MAP2K5: variants seen among roughly 807,000 people sequenced by gnomAD.
MAP2K5 encodes dual specificity mitogen-activated protein kinase kinase 5.
In MAP2K5, 49 loss-of-function variants were observed where a neutral mutation model predicts 83.1. The ratio of observed to expected loss-of-function variants is 0.59; its 90% CI spans 0.47 to 0.75. MAP2K5 has a LOEUF of 0.75. Among genes scored for constraint, MAP2K5 ranks in the 30% least tolerant of loss-of-function variants. The pLI is 0.00. For synonymous variants in MAP2K5, 202 were observed against 191.8 expected (o/e 1.05, Z -0.44); for missense variants, 457 against 557.5 (o/e 0.82, Z 1.82).
intron 8 of MAP2K5, among the ~76,000 whole-genome samples, chr15:67,607,704 AT>A (rs1476208333): frequency 6.6e-6 from 1 of 152,230 alleles, no homozygotes; most frequent in East Asian, 1.9e-4. Context: ...AAGACACTAA[AT>A]TTCATTTTTA....
chr15:67,553,372 T>G (rs1387733804), intron 2 of MAP2K5, among the ~76,000 whole-genome samples: 1 of 152,238 alleles, frequency 6.6e-6, no homozygotes, highest in Non-Finnish European at 1.5e-5. Flanking sequence ...ATCATGCTCT[T>G]TCTTTTGCCC....
chr15:67,674,024 T>G (rs1474425091), intron 13 of MAP2K5, among the ~76,000 whole-genome samples: 3 of 152,122 alleles, frequency 2.0e-5, no homozygotes, highest in African/African-American at 7.2e-5. Context: ...AATTTTTGTA[T>G]TTTTAGTAGA....
At chr15:67,608,677 G>T (rs2085836327) in intron 8 of MAP2K5, among the ~76,000 whole-genome samples, 1 of 152,030 alleles carries the variant, frequency 6.6e-6, no homozygotes, top group Non-Finnish European at 1.5e-5. Flanking sequence ...GAAGATTAAA[G>T]GGCTCCATGA....
intron 1 of MAP2K5, chr15:67,549,206 G>T: frequency 6.5e-7 from 1 of 1,535,040 alleles, no homozygotes; most frequent in Non-Finnish European, 8.7e-7. Flanking sequence ...TTTCCCCAGA[G>T]CGTAGGTGTT....
Position 67,794,620 on chromosome 15 carries a change from C to T in MAP2K5, c.1243-12026C>T, listed in dbSNP as rs376499889. 7.4e-6 allele frequency among the ~76,000 whole-genome samples: 1 copy of T among 134,610 alleles called. No homozygotes were observed. The highest frequency in any genetic ancestry group is 2.4e-4 in the East Asian group (1 of 4,194). The allele number at this position is 134,610 out of a possible 152,430, so 88.3% of individuals were successfully genotyped here. On this transcript the variant is annotated intron_variant, in intron 21 of 21. Coordinates refer to ENST00000178640, the MANE Select transcript of MAP2K5 (RefSeq NM_145160.3). The surrounding 1 kb of genome is among the most constrained non-coding windows in gnomAD (Gnocchi z 4.6). ...GCCCATTCCACTGAGGGTCGGGTAA[C>T]TCTGGAACATCACAGCTGAAAAAAA...
chr15:67,604,471 A>G (rs139627122), intron 8 of MAP2K5, among the ~76,000 whole-genome samples: 1 of 152,330 alleles, frequency 6.6e-6, no homozygotes, highest in African/African-American at 2.4e-5. Context: ...AGAGAATAGT[A>G]TGTGTTGTGG....
intron 16 of MAP2K5, among the ~76,000 whole-genome samples, chr15:67,721,135 C>T (rs1221801575): frequency 1.3e-5 from 2 of 151,630 alleles, no homozygotes; most frequent in African/African-American, 2.4e-5. Context: ...AACATTTGTT[C>T]GTTTTTTGTT....
chr15:67,594,751 T>C (rs973355621), intron 7 of MAP2K5, among the ~76,000 whole-genome samples: 1 of 152,122 alleles, frequency 6.6e-6, no homozygotes, highest in Non-Finnish European at 1.5e-5. Flanking sequence ...TTAAATAATA[T>C]GGCTTTTTTT....
chr15:67,755,834 A>G lies in MAP2K5; in HGVS notation c.1134+7233A>G, dbSNP rs542559659. Among the ~76,000 whole-genome samples the G allele has an allele frequency of 1.6e-4, 25 of 152,172 alleles. No individual in the cohort carries two copies. The highest frequency in any genetic ancestry group is 1.5e-4 in the Non-Finnish European group (10 of 68,022). Reference sequence around the variant, plus strand: ...GTTGAATTCAGGGCTTTTTGCCAAGAAAGTCTGTTTCCATCTTAAGCAAAT... The same window carrying G: ...GTTGAATTCAGGGCTTTTTGCCAAGGAAGTCTGTTTCCATCTTAAGCAAAT... On this transcript the variant is annotated intron_variant, in intron 19 of 21. Coordinates refer to ENST00000178640, the MANE Select transcript of MAP2K5 (RefSeq NM_145160.3). The surrounding 1 kb of genome is among the most constrained non-coding windows in gnomAD (Gnocchi z 4.7).
intron 16 of MAP2K5, among the ~76,000 whole-genome samples, chr15:67,712,814 A>T (rs1242115021): frequency 6.6e-6 from 1 of 152,144 alleles, no homozygotes; most frequent in Non-Finnish European, 1.5e-5. Flanking sequence ...GCTACTCAGG[A>T]GGCTGAGGCA....
In MAP2K5 at chr15:67,693,348, GAA is replaced by G. The variant is rs1457730845; in HGVS notation, c.922-167_922-166del. 2.0e-5 allele frequency among the ~76,000 whole-genome samples: 3 copies of G among 151,874 alleles called. No individual in the cohort carries two copies. The East Asian group carries it at 5.8e-4, about 29-fold the overall frequency. ...TTTAAACTGGAAATCACATTCAAAAGAAAAGAGAGATTTAATCATTTTTATTG... is the reference window on the plus strand; with the variant it reads ...TTTAAACTGGAAATCACATTCAAAAGAAGAGAGATTTAATCATTTTTATTG... On this transcript the variant is annotated intron_variant, in intron 14 of 21. Coordinates refer to ENST00000178640, the MANE Select transcript of MAP2K5 (RefSeq NM_145160.3).
chr15:67,734,473 T>C (rs61416098), intron 17 of MAP2K5, among the ~76,000 whole-genome samples: 10,054 of 152,282 alleles, frequency 0.066, 1,082 homozygotes, highest in African/African-American at 0.22. Context: ...GTAGAAAGCA[T>C]ATGTTCTTAA....
chr15:67,776,221 C>T (rs2090236539), intron 21 of MAP2K5, among the ~76,000 whole-genome samples: 1 of 147,504 alleles, frequency 6.8e-6, no homozygotes, highest in Non-Finnish European at 1.5e-5. Flanking sequence ...CCCACCTCCA[C>T]TTCTGCCTCC....
intron 13 of MAP2K5, among the ~76,000 whole-genome samples, chr15:67,682,087 A>G (rs2087830320): frequency 6.6e-6 from 1 of 152,218 alleles, no homozygotes; most frequent in African/African-American, 2.4e-5. Flanking sequence ...ATATTGCATT[A>G]AAATAAGCAT....
chr15:67,707,594 C>T (rs1189189134), intron 16 of MAP2K5, among the ~76,000 whole-genome samples: 1 of 152,136 alleles, frequency 6.6e-6, no homozygotes, highest in African/African-American at 2.4e-5. Flanking sequence ...GAGGAGAGCC[C>T]ACCTCTGGTA....
At chr15:67,712,142 G>C (rs1259014530) in intron 16 of MAP2K5, among the ~76,000 whole-genome samples, 1 of 152,224 alleles carries the variant, frequency 6.6e-6, no homozygotes, top group East Asian at 1.9e-4. Flanking sequence ...TGAAGGTTTA[G>C]ATTCTGAATG....
intron 21 of MAP2K5, among the ~76,000 whole-genome samples, chr15:67,789,131 C>G (rs2090470050): frequency 6.6e-6 from 1 of 151,998 alleles, no homozygotes; most frequent in Non-Finnish European, 1.5e-5. Context: ...TTATTCTGCA[C>G]CTTGCTTTTT....
At position 67,692,548 on chromosome 15, in the gene MAP2K5, C is replaced by CAAA; in HGVS notation, c.917_918insAAA (p.Thr306_Gln307insAsn). On this transcript the variant is annotated inframe_insertion, in exon 14 of 22. Coordinates refer to ENST00000178640, the MANE Select transcript of MAP2K5 (RefSeq NM_145160.3). ...AAGCTGTGTGATTTTGGAGTTAGCACTCAGGTATGTCTCTTTTCCTCCCAG... is the reference window on the plus strand; with the variant it reads ...AAGCTGTGTGATTTTGGAGTTAGCACAAATCAGGTATGTCTCTTTTCCTCCCAG... 6.2e-7 allele frequency: 1 copy of CAAA among 1,611,662 alleles called. No homozygotes were observed. The highest frequency in any genetic ancestry group is 2.2e-5 in the East Asian group (1 of 44,814).
chr15:67,630,996 C>A lies in MAP2K5; in HGVS notation c.585+69C>A. 3.2e-6 allele frequency: 4 copies of A among 1,236,364 alleles called. No individual in the cohort carries two copies. The South Asian group carries it at 5.1e-5, about 16-fold the overall frequency. 76.6% of individuals were successfully genotyped at this position (1,236,364 alleles called of 1,614,324 possible). ...TTTCCTTTCCTCTGTTAGCTTGAGT[C>A]ACAGATATTGTCAAAGAGGAGATGA... is the stretch of plus-strand genomic sequence containing the variant. On this transcript the variant is annotated intron_variant, in intron 9 of 21. Coordinates refer to ENST00000178640, the MANE Select transcript of MAP2K5 (RefSeq NM_145160.3).
Sources: gnomAD v4.1 joint callset for allele counts (sites outside exome capture counted in the v4.1 genomes callset) on GRCh38, gnomAD v4.1.1 for gene constraint, Gnocchi (gnomAD v3.1) non-coding constraint, MANE v1.5 for transcripts, NCBI Gene and HGNC (gene_info 2026-07-23, HGNC 2026-07-21) for gene names.